Variants in PDE11A observed in about 807,000 individuals in gnomAD.
PDE11A encodes phosphodiesterase 11A.
A neutral mutation model predicts 100.5 loss-of-function variants in PDE11A; 100 were observed. The observed-to-expected ratio is 1.00, with a 90% CI of 0.85 to 1.18. The LOEUF (loss-of-function observed/expected upper bound fraction) is 1.18, where lower values mean the gene tolerates loss of function less well. PDE11A is among the 50% of genes most tolerant of loss of function. PDE11A has a pLI of 0.00. For synonymous variants in PDE11A, 381 were observed against 420.8 expected (o/e 0.91, Z 1.16); for missense variants, 1,141 against 1,152.6 (o/e 0.99, Z 0.15).
intron 2 of PDE11A, among the ~76,000 whole-genome samples, chr2:177,938,627 C>T (rs911921837): frequency 6.6e-6 from 1 of 152,154 alleles, no homozygotes; most frequent in South Asian, 2.1e-4. Flanking sequence ...AATTCACCCA[C>T]CTGTGGCTCA....
chr2:178,041,238 C>G (rs1425565667), intron 1 of PDE11A, among the ~76,000 whole-genome samples: 2 of 151,262 alleles, frequency 1.3e-5, no homozygotes, highest in African/African-American at 4.9e-5. Context: ...CCATGTCAAG[C>G]TCAGAAATTT....
chr2:177,878,169 C>T (rs906732940), intron 4 of PDE11A, among the ~76,000 whole-genome samples: 7 of 152,128 alleles, frequency 4.6e-5, no homozygotes, highest in African/African-American at 1.7e-4. Context: ...AACTATAGAA[C>T]ATATTTCATT....
intron 2 of PDE11A, among the ~76,000 whole-genome samples, chr2:177,990,158 T>G (rs2085985411): frequency 6.6e-6 from 1 of 152,206 alleles, no homozygotes; most frequent in South Asian, 2.1e-4. Flanking sequence ...AGAGGTGGAA[T>G]AAGGATTAAC....
intron 9 of PDE11A, among the ~76,000 whole-genome samples, chr2:177,803,992 C>T (rs746957703): frequency 6.6e-6 from 1 of 151,846 alleles, no homozygotes; most frequent in African/African-American, 2.4e-5. Context: ...AAATGTAAGA[C>T]CTCAAATTAT....
At chr2:177,958,180 C>T (rs745332193) in intron 2 of PDE11A, among the ~76,000 whole-genome samples, 9 of 151,996 alleles carry the variant, frequency 5.9e-5, no homozygotes, top group Non-Finnish European at 1.2e-4. Flanking sequence ...TGTGAGCCAC[C>T]GTGCCCGGCC....
At chr2:177,655,458 A>G (rs1186641752) in intron 19 of PDE11A, among the ~76,000 whole-genome samples, 6 of 152,296 alleles carry the variant, frequency 3.9e-5, no homozygotes, top group Middle Eastern at 3.4e-3. Context: ...AGGAACAGGA[A>G]CTAATCCATT....
chr2:177,763,019 C>T (rs1427304781), intron 10 of PDE11A, among the ~76,000 whole-genome samples: 3 of 152,190 alleles, frequency 2.0e-5, no homozygotes, highest in African/African-American at 4.8e-5. Context: ...TACAACCATC[C>T]TTTTTCTGAT....
At chr2:177,848,107 G>A (rs80258215) in intron 5 of PDE11A, among the ~76,000 whole-genome samples, 4,206 of 152,196 alleles carry the variant, frequency 0.028, 191 homozygotes, top group African/African-American at 0.096. Context: ...ATGGTTGATT[G>A]AGAAACCATT....
intron 9 of PDE11A, among the ~76,000 whole-genome samples, chr2:177,773,432 T>C (rs1332596738): frequency 6.6e-6 from 1 of 152,236 alleles, no homozygotes; most frequent in Non-Finnish European, 1.5e-5. Context: ...ATTAAATGTA[T>C]GTACAGTTAA....
chr2:177,977,633 C>G (rs1470171017), intron 2 of PDE11A, among the ~76,000 whole-genome samples: 3 of 94,970 alleles, frequency 3.2e-5, no homozygotes, highest in Non-Finnish European at 6.2e-5. Context: ...ATTGCCAAGT[C>G]AATCCTAAGC....
chr2:177,918,311 C>A (rs2084984499), intron 2 of PDE11A, among the ~76,000 whole-genome samples: 1 of 152,218 alleles, frequency 6.6e-6, no homozygotes, highest in South Asian at 2.1e-4. Context: ...TTTCTACTTT[C>A]CACCCATATT....
intron 2 of PDE11A, among the ~76,000 whole-genome samples, chr2:178,093,403 T>C (rs78783975): frequency 2.7e-5 from 4 of 148,624 alleles, no homozygotes; most frequent in Non-Finnish European, 5.9e-5. Context: ...TACTAACTCA[T>C]ATTTGCATGT....
chr2:178,103,046 A>T (rs1184604533), intron 2 of PDE11A, among the ~76,000 whole-genome samples: 1 of 152,226 alleles, frequency 6.6e-6, no homozygotes, highest in African/African-American at 2.4e-5. Context: ...TTTCACCCAT[A>T]AAAAGGAATG....
chr2:178,086,635 G>A (rs1029731860), intron 2 of PDE11A, among the ~76,000 whole-genome samples: 15 of 152,206 alleles, frequency 9.9e-5, no homozygotes, highest in South Asian at 2.1e-4. Flanking sequence ...AAATCTCTTG[G>A]TAAGATTAAA....
chr2:177,839,697 G>A (rs887646266), intron 6 of PDE11A, among the ~76,000 whole-genome samples: 2 of 151,980 alleles, frequency 1.3e-5, no homozygotes, highest in Non-Finnish European at 2.9e-5. Flanking sequence ...AGGAAACCTT[G>A]TATTTAATGA....
chr2:177,928,084 A>G, intron 2 of PDE11A, among the ~76,000 whole-genome samples: 1 of 147,074 alleles, frequency 6.8e-6, no homozygotes, highest in Non-Finnish European at 1.5e-5. Context: ...AGCCTGGGCA[A>G]CAAGAGCGAA....
rs776055378 is a variant in PDE11A, at chr2:177,634,390, CT to C, written c.2647-4829del. On this transcript the variant is annotated intron_variant, in intron 19 of 19. Transcript: ENST00000286063. Reference sequence around the variant, plus strand: ...TTGAAAACTTACTTTTTCTCTCTCTCTTTTTTTTTTTTTTGTGAGAAGGAGT... The same window carrying C: ...TTGAAAACTTACTTTTTCTCTCTCTCTTTTTTTTTTTTTGTGAGAAGGAGT... 8.8e-4 allele frequency among the ~76,000 whole-genome samples: 129 copies of C among 146,416 alleles called. 1 individual carries two copies. Among genetic ancestry groups the C allele is most frequent in the African/African-American group, 2.5e-3 (99 of 39,414 alleles).
rs1414694147 is a variant in PDE11A at position 177,803,011 on chromosome 2, A to C, written c.1737+13818T>G. Among the ~76,000 whole-genome samples, 3 of 151,956 alleles carry C rather than the reference A, an allele frequency of 2.0e-5. No individual in the cohort carries two copies. In the East Asian group the frequency reaches 5.8e-4, roughly 29 times the overall value. The stretch of plus-strand genomic sequence containing the variant: ...ACTCCAATTCTTTTTTTATATAGTA[A>C]GAAATTAAAAGATACTCATTCATTT... On this transcript the variant is annotated intron_variant, in intron 9 of 19. Coordinates refer to ENST00000286063, the MANE Select transcript of PDE11A (RefSeq NM_016953.4).
At chr2:177,982,534 C>T (rs1308110327) in intron 2 of PDE11A, among the ~76,000 whole-genome samples, 5 of 150,320 alleles carry the variant, frequency 3.3e-5, no homozygotes, top group Non-Finnish European at 7.4e-5. Flanking sequence ...GTTTTTAGGG[C>T]TATGTTGATT....
Sources: gnomAD v4.1 joint callset for allele counts (sites outside exome capture counted in the v4.1 genomes callset) on GRCh38, gnomAD v4.1.1 for gene constraint, MANE v1.5 for transcripts, NCBI Gene and HGNC (gene_info 2026-07-23, HGNC 2026-07-21) for gene names.